FGFR2: variants seen among roughly 807,000 people sequenced by gnomAD.
FGFR2 encodes BEK fibroblast growth factor receptor.
Under a neutral mutation model 95.9 loss-of-function variants are expected in FGFR2, and 19 were observed. The observed-to-expected ratio is 0.20, with a 90% confidence interval of 0.14 to 0.29. The LOEUF is 0.29. Ranked by LOEUF, FGFR2 falls within the 10% of genes least tolerant of loss-of-function variation. The pLI, the probability that FGFR2 is intolerant of heterozygous loss-of-function variation, is 1.00. For synonymous variants in FGFR2, 392 were observed against 393.3 expected (o/e 1.00, Z 0.04); for missense variants, 707 against 1,056.9 (o/e 0.67, Z 4.59).
At chr10:121,595,759 T>G (rs1240458747) in intron 1 of FGFR2, among the ~76,000 whole-genome samples, 1 of 152,258 alleles carries the variant, frequency 6.6e-6, no homozygotes, top group Non-Finnish European at 1.5e-5. Context: ...TTCCCCGGCC[T>G]GCTCGCCCAC....
rs77538331 is a variant in FGFR2, at chr10:121,531,609, C to T, written c.748+6983G>A. Among the ~76,000 whole-genome samples the T allele has an allele frequency of 0.017, 2,638 of 152,190 alleles. 76 individuals carry two copies. Among genetic ancestry groups the T allele is most frequent in the African/African-American group, 0.059 (2,466 of 41,502 alleles). On this transcript the variant is annotated intron_variant, in intron 6 of 17. Transcript: ENST00000358487. The surrounding 1 kb of genome is among the most constrained non-coding windows in gnomAD (Gnocchi z 4.5). ...TGCATGGTACTATTATTTAAAAGCG[C>T]TGCCTCTCCTACCACCTCCTCCTCC...
intron 13 of FGFR2, among the ~76,000 whole-genome samples, chr10:121,495,044 T>TG (rs1846600904): frequency 6.6e-6 from 1 of 152,178 alleles, no homozygotes. Context: ...CAGCAGTTTT[T>TG]GTCTTTCGAG....
At chr10:121,549,537 A>G (rs1384653581) in intron 5 of FGFR2, among the ~76,000 whole-genome samples, 1 of 152,068 alleles carries the variant, frequency 6.6e-6, no homozygotes, top group Non-Finnish European at 1.5e-5. Flanking sequence ...CCTCCTCCCT[A>G]GTGTCTTGCT....
chr10:121,581,575 CAAAAAAAAAAA>C (rs67205229), intron 2 of FGFR2, among the ~76,000 whole-genome samples: 1 of 122,004 alleles, frequency 8.2e-6, no homozygotes, highest in Non-Finnish European at 1.7e-5. Flanking sequence ...CCATCTCTAC[CAAAAAAAAAAA>C]AAAAGAAAAA....
chr10:121,481,982 T>C lies in FGFR2; in HGVS notation c.2301+1716A>G, dbSNP rs1649167. The C allele has an allele frequency of 0.99, 456,805 of 459,218 alleles. 227,241 individuals carry two copies. Among genetic ancestry groups the C allele is most frequent in the East Asian group, 1 (27,296 of 27,298 alleles). 28.4% of individuals were successfully genotyped at this position (459,218 alleles called of 1,614,324 possible). A position where few individuals can be genotyped will look rare whatever the true frequency, so the allele number is the denominator to read the frequency against. ...CTCCCGGAGTAGCTGGGATTACAGG[T>C]GCACACCAACACGCCCGGCTAATTT... is the stretch of plus-strand genomic sequence containing the variant. On this transcript the variant is annotated intron_variant, in intron 17 of 17. Coordinates refer to ENST00000358487, the MANE Select transcript of FGFR2 (RefSeq NM_000141.5).
intron 6 of FGFR2, among the ~76,000 whole-genome samples, chr10:121,534,317 T>C (rs939069936): frequency 2.0e-5 from 3 of 152,050 alleles, no homozygotes; most frequent in African/African-American, 7.2e-5. Context: ...CAGGCTGGTC[T>C]TGAACTCCTG....
intron 6 of FGFR2, among the ~76,000 whole-genome samples, chr10:121,528,214 G>T (rs78170250): frequency 0.015 from 2,295 of 152,218 alleles, 63 homozygotes; most frequent in African/African-American, 0.052. Flanking sequence ...TATCAAAAAT[G>T]ATCCAGTTAA....
chr10:121,500,441 T>G lies in FGFR2; in HGVS notation c.1561+385A>C, dbSNP rs41295629. ...TTCCCTCCAAAAACACAAATTTTCTTGTACTTGTAAAGTTAAGGTTTAAGT... is the reference window on the plus strand; with the variant it reads ...TTCCCTCCAAAAACACAAATTTTCTGGTACTTGTAAAGTTAAGGTTTAAGT... On this transcript the variant is annotated intron_variant, in intron 11 of 17. Coordinates refer to ENST00000358487, the MANE Select transcript of FGFR2 (RefSeq NM_000141.5). Among the ~76,000 whole-genome samples, 350 of 152,304 alleles carry G rather than the reference T, an allele frequency of 2.3e-3. 2 individuals carry two copies. Among genetic ancestry groups the G allele is most frequent in the African/African-American group, 7.9e-3 (328 of 41,566 alleles).
intron 1 of FGFR2, chr10:121,596,713 C>T (rs569082581): frequency 1.0e-4 from 20 of 194,230 alleles, no homozygotes; most frequent in African/African-American, 4.2e-4. Flanking sequence ...TGCGTCCAAT[C>T]AGAACTTGCG....
chr10:121,576,123 G>C (rs1859705583), intron 2 of FGFR2, among the ~76,000 whole-genome samples: 1 of 152,180 alleles, frequency 6.6e-6, no homozygotes, highest in African/African-American at 2.4e-5. Flanking sequence ...GGCGGTGGAG[G>C]TTGCCGTGAG....
intron 6 of FGFR2, chr10:121,526,945 A>T (rs1419480293): frequency 7.6e-6 from 3 of 393,188 alleles, no homozygotes; most frequent in Non-Finnish European, 9.0e-6. Context: ...CTTTGCAGAG[A>T]GAGTGAAGTC....
intron 2 of FGFR2, among the ~76,000 whole-genome samples, 157 bp downstream of exon 2, chr10:121,593,552 C>T (rs543567677): frequency 6.6e-6 from 1 of 152,338 alleles, no homozygotes; most frequent in South Asian, 2.1e-4. Context: ...GACCTTCTCT[C>T]ATCAGCTCTG....
chr10:121,575,770 C>A (rs964222386), intron 2 of FGFR2, among the ~76,000 whole-genome samples: 1 of 151,814 alleles, frequency 6.6e-6, no homozygotes, highest in Non-Finnish European at 1.5e-5. Flanking sequence ...GCAGGAGAAT[C>A]GCTTAAACCA....
At chr10:121,480,544 T>C (rs1171476073) in intron 17 of FGFR2, 1 of 224,700 alleles carries the variant, frequency 4.5e-6, no homozygotes, top group Non-Finnish European at 9.0e-6. Context: ...CATTTTACTA[T>C]TGTAGTTTCG....
chr10:121,527,424 A>AC (rs1467969110), intron 6 of FGFR2, among the ~76,000 whole-genome samples: 1 of 152,178 alleles, frequency 6.6e-6, no homozygotes, highest in African/African-American at 2.4e-5. Context: ...TTACGTTCGA[A>AC]ATTGGTCTCT....
At chr10:121,528,663 A>G (rs773278396) in intron 6 of FGFR2, among the ~76,000 whole-genome samples, 2 of 152,200 alleles carry the variant, frequency 1.3e-5, no homozygotes, top group Non-Finnish European at 2.9e-5. Context: ...TGAACAATAA[A>G]TCCCATTTGT....
chr10:121,570,693 G>A (rs1858521869), intron 2 of FGFR2, among the ~76,000 whole-genome samples: 1 of 152,212 alleles, frequency 6.6e-6, no homozygotes, highest in Non-Finnish European at 1.5e-5. Context: ...CTCTTTCAGA[G>A]GCTTCCACAG....
rs1845242315 is a variant in FGFR2, at chr10:121,485,107, G to C, written c.2195+288C>G. ...AAGGTGCAGCACAGTGGCCCAGGAAGACCACTCCTGCTGGCTCTGCAAAGT... is the reference window on the plus strand; with the variant it reads ...AAGGTGCAGCACAGTGGCCCAGGAACACCACTCCTGCTGGCTCTGCAAAGT... On this transcript the variant is annotated intron_variant, in intron 16 of 17. Transcript: ENST00000358487. This position sits in a 1 kb window ranked among gnomAD's most constrained non-coding sequence, Gnocchi z 4.2. Among the ~76,000 whole-genome samples the C allele has an allele frequency of 6.6e-6, 1 of 152,144 alleles. No individual in the cohort carries two copies. Among genetic ancestry groups the C allele is most frequent in the African/African-American group, 2.4e-5 (1 of 41,432 alleles).
At chr10:121,555,054 G>C (rs1419028761) in intron 4 of FGFR2, among the ~76,000 whole-genome samples, 1 of 152,158 alleles carries the variant, frequency 6.6e-6, no homozygotes, top group Non-Finnish European at 1.5e-5. Context: ...GCTTAACAGG[G>C]ATGTTTACTC....
Sources: gnomAD v4.1 joint callset for allele counts (sites outside exome capture counted in the v4.1 genomes callset) on GRCh38, gnomAD v4.1.1 for gene constraint, Gnocchi (gnomAD v3.1) non-coding constraint, MANE v1.5 for transcripts, NCBI Gene and HGNC (gene_info 2026-07-23, HGNC 2026-07-21) for gene names.